The following SPIB variants were observed in gnomAD, a reference collection of about 807,000 sequenced individuals.
SPIB encodes the protein transcription factor Spi-B.
Under a neutral mutation model 31.9 loss-of-function variants are expected in SPIB, and 7 were observed. The ratio of observed to expected loss-of-function variants is 0.22; its 90% CI spans 0.12 to 0.41. SPIB has a LOEUF of 0.41. SPIB is among the 10% of genes least tolerant of loss of function. The probability of loss-of-function intolerance (pLI) is 1.00; values close to 1 mark genes in which losing one functional copy is unlikely to be tolerated. For missense variants in SPIB, 327 were observed against 360.2 expected, an observed-to-expected ratio of 0.91 and a Z score of 0.75; for synonymous variants, 176 against 158.9, an observed-to-expected ratio of 1.11 and a Z score of -0.81.
At chr19:50,424,298 C>T (rs2039538777) in intron 5 of SPIB, among the ~76,000 whole-genome samples, 1 of 152,196 alleles carries the variant, frequency 6.6e-6, no homozygotes, top group Admixed American at 6.5e-5. Flanking sequence ...GAGCTCATAA[C>T]TGTAAAGTGC....
chr19:50,419,019 C>T lies in SPIB; in HGVS notation c.23+34C>T, dbSNP rs185436158. On this transcript the variant is annotated intron_variant, in intron 1 of 5. Transcript: ENST00000595883. ...GGGCCCCCAAACCTGCACCCGGGGT[C>T]CCCACCTGCACTGCCCCTCTGTGGG... is the stretch of plus-strand genomic sequence containing the variant. 6.2e-5 allele frequency: 96 copies of T among 1,550,192 alleles called. No individual in the cohort carries two copies. In the East Asian group the frequency reaches 1.5e-3, roughly 25 times the overall value.
intron 2 of SPIB, 44 bp downstream of exon 2, chr19:50,420,017 G>A: frequency 7.1e-7 from 1 of 1,413,768 alleles, no homozygotes. Context: ...GGCCCACAGT[G>A]ACCTCCCTCA....
chr19:50,419,746 G>A (rs1249073546), intron 1 of SPIB, 200 bp from the exon 2 acceptor site: 1 of 484,106 alleles, frequency 2.1e-6, no homozygotes, highest in Non-Finnish European at 3.6e-6. Context: ...GGAGGAGGGG[G>A]ACATTTGCCT....
rs180919778 is a variant in SPIB at position 50,424,314 on chromosome 19, G to A, written c.490+559G>A. Among the ~76,000 whole-genome samples the A allele has an allele frequency of 5.6e-4, 86 of 152,300 alleles. 1 individual carries two copies. Among genetic ancestry groups the A allele is most frequent in the African/African-American group, 1.9e-3 (79 of 41,578 alleles). On this transcript the variant is annotated intron_variant, in intron 5 of 5. Coordinates refer to ENST00000595883, the MANE Select transcript of SPIB (RefSeq NM_003121.5). ...AGCTCATAACTGTAAAGTGCCTTGT[G>A]AAGCACCTGGCACTACATGCTCCAC...
chr19:50,423,814 A>G, intron 5 of SPIB, 59 bp downstream of exon 5: 1 of 1,544,222 alleles, frequency 6.5e-7, no homozygotes, highest in South Asian at 1.2e-5. Flanking sequence ...GGGGGCTGAG[A>G]GCACCATGGC....
chr19:50,420,005 G>T (rs1254245312), intron 2 of SPIB, 32 bp downstream of exon 2: 5 of 1,435,294 alleles, frequency 3.5e-6, no homozygotes, highest in Non-Finnish European at 4.6e-6. Flanking sequence ...CCAGGGAGGG[G>T]TGGCCCACAG....
chr19:50,419,786 AG>A (rs1661875044), intron 1 of SPIB, 159 bp from the exon 2 acceptor site: 1 of 612,648 alleles, frequency 1.6e-6, no homozygotes. Context: ...CTGTCCCAGC[AG>A]GGGGTAGTGG....
chr19:50,422,321 C>A, intron 2 of SPIB, 152 bp from the exon 3 acceptor site: 1 of 613,644 alleles, frequency 1.6e-6, no homozygotes, highest in African/African-American at 1.8e-5. Flanking sequence ...GTCTCTGATG[C>A]CTAGTCTCTG....
Position 50,427,868 on chromosome 19 carries a change from C to CG in SPIB, c.491-170_491-169insG, listed in dbSNP as rs1555795030. Among the ~76,000 whole-genome samples, 88 of 55,368 alleles carry CG rather than the reference C, an allele frequency of 1.6e-3. 1 individual carries two copies. Among genetic ancestry groups the CG allele is most frequent in the Middle Eastern group, 0.02 (1 of 50 alleles). The allele number at this position is 55,368 out of a possible 152,430, so 36.3% of individuals were successfully genotyped here. ...CAGGGGGAGTGGCTTGCCCCCCCCC[C>CG]CCCCCGTGGTGAGGGGCGCAGAGCC... On this transcript the variant is annotated intron_variant, in intron 5 of 5. Coordinates refer to ENST00000595883, the MANE Select transcript of SPIB (RefSeq NM_003121.5).
chr19:50,422,385 T>G, intron 2 of SPIB, 88 bp from the exon 3 acceptor site: 1 of 1,100,322 alleles, frequency 9.1e-7, no homozygotes, highest in South Asian at 1.3e-5. Flanking sequence ...CCCATGTCTG[T>G]GTTGGAGTCT....
intron 5 of SPIB, among the ~76,000 whole-genome samples, chr19:50,427,733 A>G (rs1398352664): frequency 2.0e-5 from 3 of 152,238 alleles, no homozygotes; most frequent in South Asian, 2.1e-4. Context: ...CCACTAGCTC[A>G]ACAAATATGG....
intron 1 of SPIB, among the ~76,000 whole-genome samples, chr19:50,419,302 C>T (rs902432202): frequency 2.0e-5 from 3 of 152,302 alleles, no homozygotes; most frequent in East Asian, 1.9e-4. Flanking sequence ...CGTATCTGTT[C>T]GCTCTGTATC....
intron 4 of SPIB, chr19:50,423,347 T>C (rs1453467445): frequency 1.5e-5 from 8 of 533,670 alleles, no homozygotes; most frequent in African/African-American, 3.8e-5. Flanking sequence ...TTGTTGCCCC[T>C]CTGAACAAGT....
At chr19:50,424,696 G>A (rs935708475) in intron 5 of SPIB, among the ~76,000 whole-genome samples, 14 of 152,014 alleles carry the variant, frequency 9.2e-5, no homozygotes, top group African/African-American at 1.5e-4. Context: ...CAGAAGAATC[G>A]CTTGAACCCA....
chr19:50,422,872 T>C lies in SPIB; in HGVS notation c.174T>C (p.Tyr58=). 6.2e-7 allele frequency: 1 copy of C among 1,610,450 alleles called. No homozygotes were observed. The highest frequency in any genetic ancestry group is 8.5e-7 in the Non-Finnish European group (1 of 1,178,400). Residue 58 remains tyrosine, a synonymous_variant, in exon 4 of 6, where the codon TAT becomes TAC. Coordinates refer to ENST00000595883, the MANE Select transcript of SPIB (RefSeq NM_003121.5). The part of the protein sequence containing the change: ...TVAPPVPATP[Y]EAFDPAAAAF... Reference sequence around the variant, plus strand: ...CCCCACCTGTCCCAGCCACCCCCTATGAAGCCTTCGACCCGGCAGCAGCCG... The same window carrying C: ...CCCCACCTGTCCCAGCCACCCCCTACGAAGCCTTCGACCCGGCAGCAGCCG...
chr19:50,423,877 C>T (rs2039533553), intron 5 of SPIB, 122 bp downstream of exon 5: 1 of 1,170,686 alleles, frequency 8.5e-7, no homozygotes, highest in Non-Finnish European at 1.2e-6. Context: ...CAGATCCGCA[C>T]CACCTGCTGG....
rs1293471540 is a variant in SPIB, at chr19:50,428,510, G to A, written c.*174G>A. On this transcript the variant is annotated 3_prime_UTR_variant, in exon 6 of 6. Coordinates refer to ENST00000595883, the MANE Select transcript of SPIB (RefSeq NM_003121.5). This position sits in a 1 kb window ranked among gnomAD's most constrained non-coding sequence, Gnocchi z 6.5. ...TAATCCCCAAGCCCAGCCCGGGCCT[G>A]TCTGGGATTCCCCACTTGTGCCTGG... The A allele has an allele frequency of 1.7e-5, 12 of 718,856 alleles. No individual in the cohort carries two copies. In the South Asian group the frequency reaches 2.6e-4, roughly 15 times the overall value. 44.5% of individuals were successfully genotyped at this position (718,856 alleles called of 1,614,324 possible).
chr19:50,425,465 C>CAG (rs370280311), intron 5 of SPIB, among the ~76,000 whole-genome samples: 122 of 152,036 alleles, frequency 8.0e-4, no homozygotes, highest in African/African-American at 2.6e-3. Context: ...TTATTTGAGA[C>CAG]GGTCTCCATC....
At chr19:50,419,917 A>T in intron 1 of SPIB, 29 bp from the exon 2 acceptor site, 1 of 1,538,730 alleles carries the variant, frequency 6.5e-7, no homozygotes, top group Non-Finnish European at 8.7e-7. Flanking sequence ...AGGCAGCCTC[A>T]GCATGCCCCT....
Sources: gnomAD v4.1 joint callset for allele counts (sites outside exome capture counted in the v4.1 genomes callset) on GRCh38, gnomAD v4.1.1 for gene constraint, Gnocchi (gnomAD v3.1) non-coding constraint, MANE v1.5 for transcripts, NCBI Gene and HGNC (gene_info 2026-07-23, HGNC 2026-07-21) for gene names.